DCUN1D3: variants seen among roughly 807,000 people sequenced by gnomAD.
DCUN1D3 encodes defective in cullin neddylation 1 domain containing 3.
A neutral mutation model predicts 24.8 loss-of-function variants in DCUN1D3; 6 were observed. That is an observed-to-expected ratio of 0.24 (90% CI 0.13 to 0.48). DCUN1D3 has a LOEUF of 0.48. DCUN1D3 is among the 20% of genes least tolerant of loss of function. DCUN1D3 has a pLI of 0.99. For synonymous variants in DCUN1D3, 120 were observed against 144.9 expected (o/e 0.83, Z 1.24); for missense variants, 258 against 379.4 (o/e 0.68, Z 2.66).
chr16:20,862,468 G>A lies in DCUN1D3; in HGVS notation c.71C>T (p.Pro24Leu), dbSNP rs2081738634. The change falls in exon 2 of 3, where the codon CCC becomes CTC. Residue 24 changes from proline (P) to leucine (L), a missense_variant. Physicochemically the swap from Pro to Leu is moderately conservative, Grantham distance 98. Transcript: ENST00000324344. ...CCTCCTGCTATGTGACTTGTTGCTG[G>A]GCTCACGGTCTCCATTTTTGCTGCC... ...TLGSKNGDREPSNKSHSRRGA... is the reference protein window; with the variant it reads ...TLGSKNGDRELSNKSHSRRGA... The A allele has an allele frequency of 2.5e-6, 4 of 1,612,514 alleles. 1 individual carries two copies. The South Asian group carries it at 4.4e-5, about 18-fold the overall frequency.
At position 20,855,737 on chromosome 16, in the gene DCUN1D3, C is replaced by G. The variant is rs1197285068; in HGVS notation, c.*4149G>C. On this transcript the variant is annotated 3_prime_UTR_variant, in exon 3 of 3. Coordinates refer to ENST00000324344, the MANE Select transcript of DCUN1D3 (RefSeq NM_173475.4). ...TTACAGCTTACCAGGGGAATAAACT[C>G]TGAGGGGGATGGATGGTTCGGAACC... The G allele has an allele frequency of 6.6e-6, 1 of 152,236 alleles. No individual in the cohort carries two copies. Among genetic ancestry groups the G allele is most frequent in the Non-Finnish European group, 1.5e-5 (1 of 68,052 alleles). 9.4% of individuals were successfully genotyped at this position (152,236 alleles called of 1,614,324 possible).
intron 1 of DCUN1D3, among the ~76,000 whole-genome samples, chr16:20,882,082 T>G (rs911382691): frequency 2.6e-5 from 4 of 152,028 alleles, no homozygotes; most frequent in African/African-American, 9.7e-5. Context: ...ATTACAGGCA[T>G]GAGCCACCGT....
chr16:20,875,549 A>C (rs2081810554), intron 1 of DCUN1D3, among the ~76,000 whole-genome samples: 1 of 152,190 alleles, frequency 6.6e-6, no homozygotes, highest in Admixed American at 6.5e-5. Flanking sequence ...GAACTAAAAC[A>C]AATCACTGTG....
At position 20,862,616 on chromosome 16, in the gene DCUN1D3, A is replaced by G; in HGVS notation, c.-78T>C. On this transcript the variant is annotated 5_prime_UTR_variant, in exon 2 of 3. It removes an upstream start codon present in the reference 5' UTR. Transcript: ENST00000324344. The stretch of plus-strand genomic sequence containing the variant: ...CTGCCGCTGGCCCATGTACCTCAAC[A>G]TGCCATCAGCCAGAGGAGCCAGCCA... 1 of 1,526,042 alleles carries G rather than the reference A, an allele frequency of 6.6e-7. No homozygotes were observed. The highest frequency in any genetic ancestry group is 8.7e-7 in the Non-Finnish European group (1 of 1,146,954). The allele number at this position is 1,526,042 out of a possible 1,614,324, so 94.5% of individuals were successfully genotyped here.
chr16:20,871,529 T>C (rs534365754), intron 1 of DCUN1D3, among the ~76,000 whole-genome samples: 17 of 152,324 alleles, frequency 1.1e-4, no homozygotes, highest in Non-Finnish European at 1.8e-4. Context: ...ATTGCACCCT[T>C]TGAATTCACT....
At chr16:20,894,959 G>A (rs1441632032) in intron 1 of DCUN1D3, among the ~76,000 whole-genome samples, 1 of 151,766 alleles carries the variant, frequency 6.6e-6, no homozygotes, top group Non-Finnish European at 1.5e-5. Context: ...GTATCAATAG[G>A]TTCTACATTG....
rs61506075 is a variant in DCUN1D3 at position 20,859,540 on chromosome 16, CA to C, written c.*345del. The C allele has an allele frequency of 0.14, 10,234 of 71,468 alleles. 687 individuals are homozygous for C. Among genetic ancestry groups the C allele is most frequent in the African/African-American group, 0.37 (6,038 of 16,168 alleles). The allele number at this position is 71,468 out of a possible 1,614,324, so 4.4% of individuals were successfully genotyped here. A position where few individuals can be genotyped will look rare whatever the true frequency, so the allele number is the denominator to read the frequency against. On this transcript the variant is annotated 3_prime_UTR_variant, in exon 3 of 3. Transcript: ENST00000324344. ...CGCCCTGCTCTATGCCCTCCCCTAC[CA>C]AAAAAAAAAAAAAAAAAACAAAAAA...
intron 1 of DCUN1D3, among the ~76,000 whole-genome samples, chr16:20,881,889 GCCTCCCAGGTTCAAGCGATTC>G (rs1250059565): frequency 6.6e-6 from 1 of 151,930 alleles, no homozygotes; most frequent in Non-Finnish European, 1.5e-5. Context: ...TGCAACCTCC[GCCTCCCAGGTTCAAGCGATTC>G]TCCTACCTCA....
intron 1 of DCUN1D3, among the ~76,000 whole-genome samples, chr16:20,870,771 T>C (rs891696151): frequency 2.6e-5 from 4 of 152,346 alleles, no homozygotes; most frequent in African/African-American, 9.6e-5. Flanking sequence ...AGCCCATCTT[T>C]TCAACTTTCA....
chr16:20,861,665 A>C (rs2081733150), intron 2 of DCUN1D3, among the ~76,000 whole-genome samples: 5 of 152,072 alleles, frequency 3.3e-5, no homozygotes, highest in Admixed American at 3.3e-4. Flanking sequence ...AAAGATGAGC[A>C]GTGCCCAGTT....
chr16:20,880,948 A>G (rs1272054716), intron 1 of DCUN1D3, among the ~76,000 whole-genome samples: 1 of 151,420 alleles, frequency 6.6e-6, no homozygotes, highest in South Asian at 2.1e-4. Context: ...TTTCAAAGCT[A>G]TTTTTTTTTA....
chr16:20,855,617 T>C lies in DCUN1D3; in HGVS notation c.*4269A>G, dbSNP rs1386057682. ...GAACTATTTTGGCTTCTGCAACCAG[T>C]GCTCAAGAATCTATTTCATCTTTCG... is the stretch of plus-strand genomic sequence containing the variant. On this transcript the variant is annotated 3_prime_UTR_variant, in exon 3 of 3. Transcript: ENST00000324344. The C allele has an allele frequency of 2.6e-5, 4 of 152,302 alleles. No homozygotes were observed. The highest frequency in any genetic ancestry group is 5.9e-5 in the Non-Finnish European group (4 of 68,044). 9.4% of individuals were successfully genotyped at this position (152,302 alleles called of 1,614,324 possible). A position where few individuals can be genotyped will look rare whatever the true frequency, so the allele number is the denominator to read the frequency against.
chr16:20,868,542 G>A (rs904040092), intron 1 of DCUN1D3, among the ~76,000 whole-genome samples: 3 of 152,188 alleles, frequency 2.0e-5, no homozygotes, highest in East Asian at 1.9e-4. Flanking sequence ...AATAAATAAC[G>A]CAGGTAAATG....
rs944023257 is a variant in DCUN1D3, at chr16:20,859,328, G to A, written c.*558C>T. On this transcript the variant is annotated 3_prime_UTR_variant, in exon 3 of 3. Coordinates refer to ENST00000324344, the MANE Select transcript of DCUN1D3 (RefSeq NM_173475.4). ...TAAATCGCCTGGGAATTAATGCAAT[G>A]TGGTTAACAGTTAACACTGCTATTC... is the stretch of plus-strand genomic sequence containing the variant. 1 of 152,606 alleles carries A rather than the reference G, an allele frequency of 6.6e-6. No homozygotes were observed. The highest frequency in any genetic ancestry group is 2.4e-5 in the African/African-American group (1 of 41,438). 9.5% of individuals were successfully genotyped at this position (152,606 alleles called of 1,614,324 possible). A position where few individuals can be genotyped will look rare whatever the true frequency, so the allele number is the denominator to read the frequency against.
Position 20,859,962 on chromosome 16 carries a change from C to G in DCUN1D3, c.839G>C (p.Arg280Pro). The change falls in exon 3 of 3, where the codon CGA (arginine) becomes CCA (proline). Residue 280 changes from arginine to proline, a missense_variant. By Grantham distance (103) the Arg-to-Pro change is moderately radical. Coordinates refer to ENST00000324344, the MANE Select transcript of DCUN1D3 (RefSeq NM_173475.4). ...FDTFVEWEMERRKREGEGRGA... is the reference protein window; with the variant it reads ...FDTFVEWEMEPRKREGEGRGA... Reference sequence around the variant, plus strand: ...TCTCCCTTCCCCTTCTCTTTTCCTTCGCTCCATTTCCCACTCCACAAAGGT... The same window carrying G: ...TCTCCCTTCCCCTTCTCTTTTCCTTGGCTCCATTTCCCACTCCACAAAGGT... 1.9e-6 allele frequency: 3 copies of G among 1,614,232 alleles called. No homozygotes were observed. The highest frequency in any genetic ancestry group is 2.5e-6 in the Non-Finnish European group (3 of 1,180,040).
At chr16:20,884,238 ATG>A (rs1432755989) in intron 1 of DCUN1D3, among the ~76,000 whole-genome samples, 7 of 152,230 alleles carry the variant, frequency 4.6e-5, no homozygotes, top group Non-Finnish European at 7.3e-5. Flanking sequence ...GTCTTCTTTC[ATG>A]TGGCTTTCAT....
At position 20,890,671 on chromosome 16, in the gene DCUN1D3, T is replaced by A. The variant is rs912712346; in HGVS notation, c.-106+9533A>T. On this transcript the variant is annotated intron_variant, in intron 1 of 2. Transcript: ENST00000324344. ...ATAAACAGGTGGGGTCTGTGCTAAC[T>A]CCACGCAGTAACAGAACTAAACTGC... Among the ~76,000 whole-genome samples, 5 of 152,062 alleles carry A rather than the reference T, an allele frequency of 3.3e-5. 1 individual carries two copies. The highest frequency in any genetic ancestry group is 2.0e-4 in the Admixed American group (3 of 15,274).
intron 1 of DCUN1D3, among the ~76,000 whole-genome samples, chr16:20,875,299 A>G (rs187442750): frequency 6.6e-6 from 1 of 151,894 alleles, no homozygotes; most frequent in Admixed American, 6.6e-5. Context: ...ATTACATGCA[A>G]CTTTTCTGAA....
At chr16:20,898,595 G>C (rs1283952356) in intron 1 of DCUN1D3, among the ~76,000 whole-genome samples, 1 of 152,222 alleles carries the variant, frequency 6.6e-6, no homozygotes, top group Non-Finnish European at 1.5e-5. Context: ...TAAACACGCT[G>C]TTACTGGTAT....
Sources: allele counts gnomAD v4.1 joint callset (sites outside exome capture counted in the v4.1 genomes callset), GRCh38; gene constraint gnomAD v4.1.1; transcripts MANE v1.5; gene names NCBI Gene and HGNC (gene_info 2026-07-23, HGNC 2026-07-21).